Variants in PMPCA observed in about 807,000 individuals in gnomAD.
PMPCA encodes the protein mitochondrial-processing peptidase subunit alpha.
PMPCA carries 47 observed loss-of-function variants against 59.3 expected under a neutral mutation model. The observed-to-expected ratio is 0.79, with a 90% CI of 0.63 to 1.01. PMPCA has a LOEUF of 1.01. PMPCA is among the 50% of genes least tolerant of loss of function. PMPCA has a pLI of 0.00. For missense variants in PMPCA, 726 were observed against 704.5 expected (o/e 1.03, Z -0.34); for synonymous variants, 338 against 290.3 (o/e 1.16, Z -1.67).
Position 136,423,163 on chromosome 9 carries a change from G to T in PMPCA, c.1477G>T (p.Ala493Ser). 1.2e-6 allele frequency: 2 copies of T among 1,613,748 alleles called. No individual in the cohort carries two copies. The highest frequency in any genetic ancestry group is 1.7e-6 in the Non-Finnish European group (2 of 1,180,024). The change falls in exon 13 of 13, where the codon GCC (alanine) becomes TCC (serine). Residue 493 changes from alanine to serine, a missense_variant. Coordinates refer to ENST00000371717, the MANE Select transcript of PMPCA (RefSeq NM_015160.3). ...KMLRGKPAVA[A>S]LGDLTDLPTY... ...GCTCCGAGGGAAGCCGGCAGTGGCC[G>T]CCCTGGGTGACCTGACTGACCTGCC...
At position 136,423,172 on chromosome 9, in the gene PMPCA, G is replaced by C. The variant is rs1835509979; in HGVS notation, c.1486G>C (p.Asp496His). 1 of 1,613,834 alleles carries C rather than the reference G, an allele frequency of 6.2e-7. No homozygotes were observed. Among genetic ancestry groups the C allele is most frequent in the Non-Finnish European group, 8.5e-7 (1 of 1,180,038 alleles). Reference sequence around the variant, plus strand: ...GAAGCCGGCAGTGGCCGCCCTGGGTGACCTGACTGACCTGCCCACGTATGA... The same window carrying C: ...GAAGCCGGCAGTGGCCGCCCTGGGTCACCTGACTGACCTGCCCACGTATGA... Reference protein sequence around the residue: ...RGKPAVAALGDLTDLPTYEHI... With the variant: ...RGKPAVAALGHLTDLPTYEHI... Residue 496 changes from aspartate to histidine, a missense_variant, in exon 13 of 13, where the codon GAC (aspartate) becomes CAC (histidine). Asp to His is a moderately conservative substitution (Grantham distance 81). Coordinates refer to ENST00000371717, the MANE Select transcript of PMPCA (RefSeq NM_015160.3).
chr9:136,418,073 G>T lies in PMPCA; in HGVS notation c.954G>T (p.Thr318=). 6.2e-7 allele frequency: 1 copy of T among 1,613,744 alleles called. No homozygotes were observed. Among genetic ancestry groups the T allele is most frequent in the East Asian group, 2.2e-5 (1 of 44,884 alleles). ...SLGPTPIPEL[T]HIMVGLESCS... is the part of the protein sequence containing the mutation. ...GCCCGACCCCCATCCCCGAGCTCAC[G>T]CACATCATGGTTGGACTGGAGAGCT... is the stretch of plus-strand genomic sequence containing the variant. The change falls in exon 8 of 13, where the codon ACG becomes ACT. Residue 318 remains threonine, a synonymous_variant. Coordinates refer to ENST00000371717, the MANE Select transcript of PMPCA (RefSeq NM_015160.3).
At chr9:136,414,033 A>G (rs967870895) in intron 4 of PMPCA, among the ~76,000 whole-genome samples, 7 of 152,216 alleles carry the variant, frequency 4.6e-5, no homozygotes, top group African/African-American at 1.7e-4. Flanking sequence ...CATGCCGGGA[A>G]CAGATGTTAC....
In PMPCA at chr9:136,423,310, C is replaced by A; in HGVS notation, c.*46C>A. 1.3e-6 allele frequency: 2 copies of A among 1,563,354 alleles called. No homozygotes were observed. Among genetic ancestry groups the A allele is most frequent in the Non-Finnish European group, 1.7e-6 (2 of 1,148,498 alleles). Reference sequence around the variant, plus strand: ...GACCCAGGGAGCTGCAGCTGGAGCCCGTTCCCGTGCGTGTTAGTTTGGACA... The same window carrying A: ...GACCCAGGGAGCTGCAGCTGGAGCCAGTTCCCGTGCGTGTTAGTTTGGACA... On this transcript the variant is annotated 3_prime_UTR_variant, in exon 13 of 13. Coordinates refer to ENST00000371717, the MANE Select transcript of PMPCA (RefSeq NM_015160.3).
chr9:136,422,390 G>A (rs935724559), intron 12 of PMPCA: 83 of 1,134,934 alleles, frequency 7.3e-5, no homozygotes, highest in South Asian at 1.0e-4. Context: ...CCAGGTTTCC[G>A]GGGCCCCCAT....
rs770263035 is a variant in PMPCA, at chr9:136,410,696, C to G, written c.28C>G (p.Arg10Gly). ...GGCGGCTGTGGTGCTGGCGGCGACG[C>G]GGTTGCTGCGGGGCTCGGGTTCTTG... MAAVVLAAT[R>G]LLRGSGSWGC... Residue 10 changes from arginine (R) to glycine (G), a missense_variant, in exon 1 of 13, where the codon CGG becomes GGG. Physicochemically the swap from Arg to Gly is moderately radical, Grantham distance 125. Transcript: ENST00000371717. The G allele has an allele frequency of 2.8e-6, 4 of 1,415,428 alleles. No homozygotes were observed. The highest frequency in any genetic ancestry group is 1.5e-5 in the African/African-American group (1 of 67,118). 87.7% of individuals were successfully genotyped at this position (1,415,428 alleles called of 1,614,324 possible). A position where few individuals can be genotyped will look rare whatever the true frequency, so the allele number is the denominator to read the frequency against.
chr9:136,419,302 T>C, intron 11 of PMPCA, 196 bp downstream of exon 11: 1 of 657,796 alleles, frequency 1.5e-6, no homozygotes, highest in African/African-American at 1.8e-5. Context: ...GCTGAGGCTG[T>C]TCTTCCCTGG....
intron 5 of PMPCA, among the ~76,000 whole-genome samples, chr9:136,415,260 C>T (rs920574009): frequency 1.3e-5 from 2 of 152,160 alleles, no homozygotes; most frequent in African/African-American, 4.8e-5. Context: ...GAAAAAAAAC[C>T]CACTGGTGAT....
intron 4 of PMPCA, among the ~76,000 whole-genome samples, chr9:136,414,063 G>A (rs909171541): frequency 1.3e-5 from 2 of 152,182 alleles, no homozygotes; most frequent in East Asian, 1.9e-4. Flanking sequence ...AGCTCCATAC[G>A]AGCCAGCCAT....
In PMPCA at chr9:136,423,231, G is replaced by A; in HGVS notation, c.1545G>A (p.Gly515=). 6.2e-7 allele frequency: 1 copy of A among 1,613,416 alleles called. No homozygotes were observed. The highest frequency in any genetic ancestry group is 8.5e-7 in the Non-Finnish European group (1 of 1,180,026). The stretch of plus-strand genomic sequence containing the variant: ...AGACCGCCCTGTCGAGTAAGGACGG[G>A]CGCCTGCCCAGGACGTACCGGCTCT... ...HIQTALSSKD[G]RLPRTYRLFR The change falls in exon 13 of 13, where the codon GGG becomes GGA. Residue 515 remains glycine (G), a synonymous_variant. Coordinates refer to ENST00000371717, the MANE Select transcript of PMPCA (RefSeq NM_015160.3).
intron 6 of PMPCA, 137 bp downstream of exon 6, chr9:136,416,528 G>A: frequency 4.2e-6 from 3 of 716,952 alleles, no homozygotes; most frequent in East Asian, 2.7e-5. Context: ...TGTTTTTTGA[G>A]ATGAGGTTTC....
At chr9:136,414,486 C>T (rs1057439427) in intron 4 of PMPCA, 67 bp from the exon 5 acceptor site, 9 of 1,054,468 alleles carry the variant, frequency 8.5e-6, no homozygotes, top group Admixed American at 1.7e-5. Flanking sequence ...AAAGCCCGAG[C>T]GTCCCCTGGC....
At chr9:136,412,743 A>T (rs959838256) in intron 3 of PMPCA, 67 bp from the exon 4 acceptor site, 99 of 889,216 alleles carry the variant, frequency 1.1e-4, no homozygotes, top group Non-Finnish European at 1.5e-4. Context: ...AGTAGATTTT[A>T]AAAAAAAATT....
chr9:136,419,316 A>AGAAAACAG, intron 11 of PMPCA: 1 of 625,810 alleles, frequency 1.6e-6, no homozygotes, highest in East Asian at 2.7e-5. Flanking sequence ...TCCCTGGTCC[A>AGAAAACAG]AACCCCGAAA....
At chr9:136,414,412 C>G (rs1835216340) in intron 4 of PMPCA, 141 bp from the exon 5 acceptor site, 1 of 652,636 alleles carries the variant, frequency 1.5e-6, no homozygotes, top group African/African-American at 1.8e-5. Context: ...ATGCAAAGCC[C>G]AAGTGTCCCC....
At chr9:136,421,131 C>G (rs1228477021) in intron 11 of PMPCA, among the ~76,000 whole-genome samples, 2 of 152,238 alleles carry the variant, frequency 1.3e-5, no homozygotes, top group Non-Finnish European at 1.5e-5. Flanking sequence ...TGCCTGGGCC[C>G]TGCGCCGGAG....
chr9:136,422,582 G>A lies in PMPCA; in HGVS notation c.1409-513G>A, dbSNP rs371910169. 37 of 1,013,230 alleles carry A rather than the reference G, an allele frequency of 3.7e-5. No homozygotes were observed. The East Asian group carries it at 4.8e-4, about 13-fold the overall frequency. 62.8% of individuals were successfully genotyped at this position (1,013,230 alleles called of 1,614,324 possible). A position where few individuals can be genotyped will look rare whatever the true frequency, so the allele number is the denominator to read the frequency against. On this transcript the variant is annotated intron_variant, in intron 12 of 12. Coordinates refer to ENST00000371717, the MANE Select transcript of PMPCA (RefSeq NM_015160.3). ...GAGTCCCGGGCACTTGCCCTGTCCCGTGTGGGCCCTCGTCCTTCCCTCAGG... is the reference window on the plus strand; with the variant it reads ...GAGTCCCGGGCACTTGCCCTGTCCCATGTGGGCCCTCGTCCTTCCCTCAGG...
In PMPCA at chr9:136,423,324, TTA is replaced by T. The variant is rs1835516801; in HGVS notation, c.*61_*62del. 1 of 1,531,876 alleles carries T rather than the reference TTA, an allele frequency of 6.5e-7. No homozygotes were observed. The highest frequency in any genetic ancestry group is 1.9e-5 in the Admixed American group (1 of 52,160). 94.9% of individuals were successfully genotyped at this position (1,531,876 alleles called of 1,614,324 possible). ...CAGCTGGAGCCCGTTCCCGTGCGTGTTAGTTTGGACACGAATTTAGTCTAAAA... is the reference window on the plus strand; with the variant it reads ...CAGCTGGAGCCCGTTCCCGTGCGTGTGTTTGGACACGAATTTAGTCTAAAA... On this transcript the variant is annotated 3_prime_UTR_variant, in exon 13 of 13. Coordinates refer to ENST00000371717, the MANE Select transcript of PMPCA (RefSeq NM_015160.3).
intron 4 of PMPCA, among the ~76,000 whole-genome samples, chr9:136,414,175 G>GT (rs1379364670): frequency 1.3e-5 from 2 of 152,236 alleles, no homozygotes; most frequent in African/African-American, 4.8e-5. Flanking sequence ...CCTTTTGAGA[G>GT]AGAGTATAGT....
Sources: gnomAD v4.1 joint callset for allele counts (sites outside exome capture counted in the v4.1 genomes callset) on GRCh38, gnomAD v4.1.1 for gene constraint, MANE v1.5 for transcripts, NCBI Gene and HGNC (gene_info 2026-07-23, HGNC 2026-07-21) for gene names.